Variants in TRHDE observed in about 807,000 individuals in gnomAD.
TRHDE encodes thyrotropin releasing hormone degrading enzyme.
TRHDE carries 72 observed loss-of-function variants against 125.7 expected under a neutral mutation model. The observed-to-expected ratio is 0.57, with a 90% CI of 0.47 to 0.70. The LOEUF is 0.70. Ranked by LOEUF, TRHDE falls within the 30% of genes least tolerant of loss-of-function variation. TRHDE has a pLI of 0.00. For synonymous variants in TRHDE, 509 were observed against 509.1 expected, an observed-to-expected ratio of 1.00 and a Z score of 0.00; for missense variants, 1,110 against 1,327.1, an observed-to-expected ratio of 0.84 and a Z score of 2.54.
At chr12:72,477,562 GACA>G (rs1344792388) in intron 5 of TRHDE, among the ~76,000 whole-genome samples, 1 of 152,142 alleles carries the variant, frequency 6.6e-6, no homozygotes, top group Non-Finnish European at 1.5e-5. Context: ...GGCTGTTAGT[GACA>G]ACATTATTGG....
chr12:72,162,022 A>G (rs1327857487), intron 2 of TRHDE, among the ~76,000 whole-genome samples: 1 of 152,194 alleles, frequency 6.6e-6, no homozygotes, highest in African/African-American at 2.4e-5. Context: ...ATCATTTACT[A>G]TGGCACTTAG....
intron 13 of TRHDE, among the ~76,000 whole-genome samples, chr12:72,620,412 G>A (rs908507935): frequency 6.6e-6 from 1 of 150,932 alleles, no homozygotes; most frequent in Non-Finnish European, 1.5e-5. Context: ...ATTCCCAGCT[G>A]CTCATGAGGC....
At chr12:72,614,330 A>ATT (rs1555202261) in intron 12 of TRHDE, among the ~76,000 whole-genome samples, 7,149 of 129,730 alleles carry the variant, frequency 0.055, 275 homozygotes, top group East Asian at 0.13. Context: ...ATATATATAT[A>ATT]TTTTTTTTTT....
At chr12:72,204,796 AC>A (rs1474460026) in intron 2 of TRHDE, among the ~76,000 whole-genome samples, 1 of 152,176 alleles carries the variant, frequency 6.6e-6, no homozygotes, top group African/African-American at 2.4e-5. Context: ...CTTCCTATAT[AC>A]TTTTTTTCCT....
chr12:72,388,182 A>T (rs1251885712), intron 3 of TRHDE, among the ~76,000 whole-genome samples: 2 of 152,086 alleles, frequency 1.3e-5, no homozygotes, highest in Non-Finnish European at 2.9e-5. Flanking sequence ...TTTTCATTCA[A>T]ATAGATGCAT....
At chr12:72,477,380 C>T (rs1876948478) in intron 5 of TRHDE, among the ~76,000 whole-genome samples, 2 of 152,162 alleles carry the variant, frequency 1.3e-5, no homozygotes, top group Non-Finnish European at 2.9e-5. Flanking sequence ...CTTATCTATA[C>T]TGGCAATGTG....
At position 72,272,410 on chromosome 12, in the gene TRHDE, T is replaced by G; in HGVS notation, c.-234T>G. 1.9e-5 allele frequency: 8 copies of G among 415,884 alleles called. No homozygotes were observed. Among genetic ancestry groups the G allele is most frequent in the East Asian group, 5.1e-5 (1 of 19,460 alleles). 25.8% of individuals were successfully genotyped at this position (415,884 alleles called of 1,614,324 possible). A position where few individuals can be genotyped will look rare whatever the true frequency, so the allele number is the denominator to read the frequency against. On this transcript the variant is annotated 5_prime_UTR_variant, in exon 1 of 19. Coordinates refer to ENST00000261180, the MANE Select transcript of TRHDE (RefSeq NM_013381.3). The surrounding 1 kb of genome is among the most constrained non-coding windows in gnomAD (Gnocchi z 6.7). ...CTGGGCAAGCAAGACGCTTTCCAAG[T>G]TGGGCGCGTCCCAGAGCTCACAGCC...
chr12:72,215,811 G>C (rs1916130), intron 2 of TRHDE, among the ~76,000 whole-genome samples: 1 of 152,154 alleles, frequency 6.6e-6, no homozygotes, highest in Non-Finnish European at 1.5e-5. Flanking sequence ...TTGGCGCTCA[G>C]AAATGGTTGG....
intron 12 of TRHDE, among the ~76,000 whole-genome samples, chr12:72,592,421 T>G (rs1871723206): frequency 6.6e-6 from 1 of 152,192 alleles, no homozygotes; most frequent in Admixed American, 6.5e-5. Flanking sequence ...AGTACTCGCA[T>G]TAGTTCCAAC....
rs1253387851 is a variant in TRHDE, at chr12:72,625,824, T to G, written c.2675+4073T>G. Among the ~76,000 whole-genome samples the G allele has an allele frequency of 4.6e-5, 7 of 152,042 alleles. No individual in the cohort carries two copies. The East Asian group carries it at 1.4e-3, about 29-fold the overall frequency. ...CACTGTTGTATGTGGTTCTGTGGTA[T>G]ATTACACTACTATATATCAGTAAGA... is the stretch of plus-strand genomic sequence containing the variant. On this transcript the variant is annotated intron_variant, in intron 15 of 18. Coordinates refer to ENST00000261180, the MANE Select transcript of TRHDE (RefSeq NM_013381.3).
At chr12:72,447,962 T>G (rs1359171771) in intron 3 of TRHDE, among the ~76,000 whole-genome samples, 2 of 152,070 alleles carry the variant, frequency 1.3e-5, no homozygotes, top group African/African-American at 4.8e-5. Context: ...GTCCATTTGT[T>G]TTTTGCTATA....
intron 2 of TRHDE, chr12:72,255,830 C>G (rs917516200): frequency 6.6e-6 from 1 of 152,158 alleles, no homozygotes; most frequent in Non-Finnish European, 1.5e-5. Flanking sequence ...AGGGAACTGT[C>G]CTGCGATAAA....
intron 1 of TRHDE, among the ~76,000 whole-genome samples, chr12:72,102,283 A>G (rs1285324636): frequency 6.6e-6 from 1 of 152,192 alleles, no homozygotes; most frequent in Non-Finnish European, 1.5e-5. Context: ...ACAGAGGGAC[A>G]TGCTTAAACC....
intron 15 of TRHDE, among the ~76,000 whole-genome samples, chr12:72,640,260 C>G (rs180965260): frequency 2.0e-5 from 3 of 152,314 alleles, no homozygotes; most frequent in Admixed American, 2.0e-4. Flanking sequence ...GGGAGTGACC[C>G]GATCTTCCAG....
intron 2 of TRHDE, among the ~76,000 whole-genome samples, chr12:72,168,877 T>C (rs1223031984): frequency 6.6e-6 from 1 of 152,218 alleles, no homozygotes; most frequent in Non-Finnish European, 1.5e-5. Flanking sequence ...TTTACAGGAC[T>C]GAGTTTCTTT....
intron 2 of TRHDE, among the ~76,000 whole-genome samples, chr12:72,376,846 T>C (rs889427157): frequency 7.2e-5 from 11 of 152,086 alleles, no homozygotes; most frequent in Non-Finnish European, 1.6e-4. Context: ...TGAATGTAAG[T>C]GTTCACTTCT....
chr12:72,625,676 T>A (rs2136082326), intron 15 of TRHDE, among the ~76,000 whole-genome samples: 1 of 152,008 alleles, frequency 6.6e-6, no homozygotes, highest in Admixed American at 6.6e-5. Context: ...ATTATCTCAC[T>A]ATTTTTATTT....
rs180982348 is a variant in TRHDE, at chr12:72,570,828, A to G, written c.2131+2172A>G. 2.9e-3 allele frequency among the ~76,000 whole-genome samples: 443 copies of G among 152,320 alleles called. 3 individuals carry two copies. Among genetic ancestry groups the G allele is most frequent in the Non-Finnish European group, 4.7e-3 (322 of 68,026 alleles). On this transcript the variant is annotated intron_variant, in intron 10 of 18. Transcript: ENST00000261180. ...AGGCGCTATTTGCACAGGCGGTGAT[A>G]TGAATGGCACAGGCCCTCACCCCAA...
intron 9 of TRHDE, 131 bp downstream of exon 9, chr12:72,563,171 C>T: frequency 1.5e-6 from 1 of 666,734 alleles, no homozygotes; most frequent in Non-Finnish European, 2.4e-6. Context: ...TCTTTATTTA[C>T]ACAAGTTACT....
Sources: allele counts gnomAD v4.1 joint callset (sites outside exome capture counted in the v4.1 genomes callset), GRCh38; gene constraint gnomAD v4.1.1; non-coding constraint Gnocchi (gnomAD v3.1); transcripts MANE v1.5; gene names NCBI Gene and HGNC (gene_info 2026-07-23, HGNC 2026-07-21).